Variants in PCDH15 observed in about 807,000 individuals in gnomAD.
PCDH15 encodes the protein protocadherin-15.
A neutral mutation model predicts 178.5 loss-of-function variants in PCDH15; 129 were observed. The observed-to-expected ratio is 0.72, with a 90% CI of 0.63 to 0.84. PCDH15 has a LOEUF of 0.84. Among genes scored for constraint, PCDH15 ranks in the 40% least tolerant of loss-of-function variants. The pLI is 0.00. For synonymous variants in PCDH15, 800 were observed against 732.0 expected (o/e 1.09, Z -1.50); for missense variants, 2,230 against 2,099.9 (o/e 1.06, Z -1.21).
rs74854287 is a variant in PCDH15, at chr10:54,646,967, T to A, written c.91+17205A>T. Among the ~76,000 whole-genome samples, 494 of 152,076 alleles carry A rather than the reference T, an allele frequency of 3.2e-3. 2 individuals carry two copies. Among genetic ancestry groups the A allele is most frequent in the African/African-American group, 0.011 (475 of 41,530 alleles). On this transcript the variant is annotated intron_variant, in intron 2 of 37. Coordinates refer to ENST00000644397, the MANE Select transcript of PCDH15 (RefSeq NM_001384140.1). ...AACTGAAAATAGAACTACAATATGA[T>A]CCATGAATCCTACTTCTAGGTATTC...
intron 2 of PCDH15, among the ~76,000 whole-genome samples, chr10:55,585,965 T>C (rs1362544966): frequency 6.6e-6 from 1 of 152,030 alleles, no homozygotes; most frequent in African/African-American, 2.4e-5. Context: ...ACATTTTTGG[T>C]CTAAATGTAA....
chr10:54,526,049 C>T (rs1017668838), intron 3 of PCDH15, among the ~76,000 whole-genome samples: 3 of 152,188 alleles, frequency 2.0e-5, no homozygotes, highest in Non-Finnish European at 2.9e-5. Context: ...AGGAGCACAA[C>T]ATTAGTATAC....
At position 55,317,620 on chromosome 10, in the gene PCDH15, T is replaced by A. The variant is rs148388723; in HGVS notation, c.-156+1979A>T. Among the ~76,000 whole-genome samples the A allele has an allele frequency of 5.2e-3, 791 of 152,124 alleles. 11 individuals are homozygous for A. Among genetic ancestry groups the A allele is most frequent in the African/African-American group, 0.018 (745 of 41,514 alleles). On this transcript the variant is annotated intron_variant, in intron 1 of 5. Transcript: ENST00000458638. ...GTGCTTTAACATGAAAAGCTGAACA[T>A]TCAATTTGGACAGAACTCTCTCATA...
At chr10:54,277,021 G>A (rs1273287786) in intron 8 of PCDH15, among the ~76,000 whole-genome samples, 1 of 151,512 alleles carries the variant, frequency 6.6e-6, no homozygotes, top group Non-Finnish European at 1.5e-5. Flanking sequence ...ACAAACTTAA[G>A]AGCTGGTGGA....
chr10:54,555,460 G>T lies in PCDH15; in HGVS notation c.92-27583C>A, dbSNP rs147854864. Among the ~76,000 whole-genome samples, 4 of 151,922 alleles carry T rather than the reference G, an allele frequency of 2.6e-5. No homozygotes were observed. The South Asian group carries it at 6.2e-4, about 24-fold the overall frequency. On this transcript the variant is annotated intron_variant, in intron 2 of 37. Coordinates refer to ENST00000644397, the MANE Select transcript of PCDH15 (RefSeq NM_001384140.1). ...AAGAATCACCTATTCAGCAGGGCAC[G>T]GTGGCTCACGCCTGTAATCCCAACA...
At chr10:55,356,296 G>T (rs1845078618) in intron 2 of PCDH15, among the ~76,000 whole-genome samples, 1 of 151,640 alleles carries the variant, frequency 6.6e-6, no homozygotes, top group African/African-American at 2.4e-5. Context: ...AAGGAGAGTG[G>T]CAAGGAAGAA....
rs1308645972 is a variant in PCDH15 at position 55,180,360 on chromosome 10, G to A, written c.-155-13709C>T. ...TAAAGACCCTGGATTCTATACCTTT[G>A]AGATGGAAAGTTTTAATTTTATTGC... On this transcript the variant is annotated intron_variant, in intron 1 of 5. Transcript: ENST00000458638. Among the ~76,000 whole-genome samples the A allele has an allele frequency of 2.0e-5, 3 of 152,082 alleles. No individual in the cohort carries two copies. In the East Asian group the frequency reaches 5.8e-4, roughly 29 times the overall value.
intron 2 of PCDH15, among the ~76,000 whole-genome samples, chr10:55,598,261 G>A (rs1842974879): frequency 2.6e-5 from 4 of 151,684 alleles, no homozygotes; most frequent in Non-Finnish European, 5.9e-5. Flanking sequence ...AATATACTAC[G>A]AAAGGGACTT....
intron 26 of PCDH15, among the ~76,000 whole-genome samples, chr10:53,876,618 C>A (rs534860069): frequency 1.1e-5 from 1 of 94,230 alleles, no homozygotes. Flanking sequence ...CTATTCAAAA[C>A]TTTTGCAAAA....
intron 21 of PCDH15, among the ~76,000 whole-genome samples, chr10:53,975,972 C>T (rs2090150043): frequency 6.6e-6 from 1 of 152,144 alleles, no homozygotes; most frequent in African/African-American, 2.4e-5. Flanking sequence ...GGCCTAGTTT[C>T]ATTCTTCTGC....
chr10:54,719,530 C>CT (rs2095520111), intron 1 of PCDH15, among the ~76,000 whole-genome samples: 1 of 151,418 alleles, frequency 6.6e-6, no homozygotes, highest in South Asian at 2.1e-4. Flanking sequence ...TTAAATTTTA[C>CT]TTTAAGTTCT....
intron 1 of PCDH15, among the ~76,000 whole-genome samples, chr10:54,738,261 T>C (rs536896487): frequency 6.6e-6 from 1 of 152,162 alleles, no homozygotes; most frequent in Admixed American, 6.6e-5. Context: ...AGGATCAGGA[T>C]CAAATTGGCT....
chr10:55,073,917 G>C (rs1415065359), intron 2 of PCDH15, among the ~76,000 whole-genome samples: 1 of 151,522 alleles, frequency 6.6e-6, no homozygotes, highest in Non-Finnish European at 1.5e-5. Context: ...CTGTGTCCAT[G>C]TGTTCTCATT....
intron 1 of PCDH15, among the ~76,000 whole-genome samples, chr10:54,680,097 A>T (rs1431951400): frequency 5.3e-5 from 8 of 152,196 alleles, no homozygotes; most frequent in Admixed American, 5.2e-4. Context: ...TTGTAAGAGG[A>T]GGTTAGGTTT....
chr10:53,841,304 AATTTT>A (rs1354191948), intron 28 of PCDH15, among the ~76,000 whole-genome samples: 1 of 152,144 alleles, frequency 6.6e-6, no homozygotes, highest in African/African-American at 2.4e-5. Flanking sequence ...AAATTTAAAT[AATTTT>A]AATTACTATA....
chr10:54,353,435 T>C (rs1328286564), intron 5 of PCDH15, among the ~76,000 whole-genome samples: 2 of 152,160 alleles, frequency 1.3e-5, no homozygotes, highest in Admixed American at 1.3e-4. Context: ...ATTCAGTATG[T>C]TGAGTTTTGA....
At chr10:54,471,952 AT>A (rs1020327080) in intron 3 of PCDH15, among the ~76,000 whole-genome samples, 1 of 152,108 alleles carries the variant, frequency 6.6e-6, no homozygotes, top group Non-Finnish European at 1.5e-5. Context: ...ATAAAACATA[AT>A]TTTTATATGA....
chr10:55,503,466 T>C (rs893198917), intron 2 of PCDH15, among the ~76,000 whole-genome samples: 3 of 150,468 alleles, frequency 2.0e-5, no homozygotes, highest in African/African-American at 7.3e-5. Context: ...AATCTTTATT[T>C]ATTTTATGTT....
chr10:54,235,860 T>C (rs927686742), intron 9 of PCDH15, among the ~76,000 whole-genome samples: 5 of 152,176 alleles, frequency 3.3e-5, no homozygotes, highest in Admixed American at 1.3e-4. Context: ...TTATGAAAGT[T>C]TTTTACAAAT....
Sources: gnomAD v4.1 joint callset for allele counts (sites outside exome capture counted in the v4.1 genomes callset) on GRCh38, gnomAD v4.1.1 for gene constraint, MANE v1.5 for transcripts, NCBI Gene and HGNC (gene_info 2026-07-23, HGNC 2026-07-21) for gene names.